The following CDK14 variants were observed in gnomAD, a reference collection of about 807,000 sequenced individuals.
CDK14 encodes cyclin dependent kinase 14.
A neutral mutation model predicts 60.7 loss-of-function variants in CDK14; 34 were observed. The observed-to-expected ratio is 0.56, with a 90% CI of 0.43 to 0.75. The LOEUF (loss-of-function observed/expected upper bound fraction) is 0.75. CDK14 is among the 30% of genes least tolerant of loss of function. The pLI is 0.00. For synonymous variants in CDK14, 197 were observed against 203.7 expected (o/e 0.97, Z 0.28); for missense variants, 482 against 564.1 (o/e 0.85, Z 1.47).
chr7:90,895,726 A>AT (rs1432128379), intron 6 of CDK14, among the ~76,000 whole-genome samples: 2 of 80,796 alleles, frequency 2.5e-5, no homozygotes, highest in East Asian at 1.6e-3. Flanking sequence ...GCACTTGGCT[A>AT]ATTTTTTTTT....
At chr7:90,748,168 A>G (rs1438097367) in intron 4 of CDK14, among the ~76,000 whole-genome samples, 1 of 152,142 alleles carries the variant, frequency 6.6e-6, no homozygotes, top group East Asian at 1.9e-4. Context: ...GGTCTTTTTA[A>G]GTTAAGCTTT....
intron 4 of CDK14, among the ~76,000 whole-genome samples, chr7:90,774,692 A>G (rs758148643): frequency 5.1e-4 from 77 of 152,178 alleles, no homozygotes; most frequent in Non-Finnish European, 9.3e-4. Context: ...TTTATTCTCC[A>G]AGGGCCTTTG....
intron 5 of CDK14, among the ~76,000 whole-genome samples, chr7:90,839,760 T>A (rs1277822888): frequency 6.6e-6 from 1 of 152,186 alleles, no homozygotes; most frequent in Non-Finnish European, 1.5e-5. Context: ...TTACAGATAG[T>A]AGGGTTTTAT....
At chr7:90,601,825 T>C (rs1389002804) in intron 1 of CDK14, among the ~76,000 whole-genome samples, 3 of 151,562 alleles carry the variant, frequency 2.0e-5, no homozygotes, top group Non-Finnish European at 4.4e-5. Context: ...GCAATCTTGC[T>C]CACTGCAACC....
At chr7:90,899,446 T>G in intron 7 of CDK14, 93 bp downstream of exon 7, 1 of 907,904 alleles carries the variant, frequency 1.1e-6, no homozygotes, top group Non-Finnish European at 1.6e-6. Flanking sequence ...ATATTTAAAT[T>G]TTTTAAATTT....
intron 2 of CDK14, among the ~76,000 whole-genome samples, chr7:90,623,138 G>A (rs922610652): frequency 6.6e-6 from 1 of 150,874 alleles, no homozygotes; most frequent in Non-Finnish European, 1.5e-5. Context: ...TTTGTCTTCC[G>A]TAATCTTTTT....
chr7:90,611,869 G>C (rs1799545500), intron 2 of CDK14, among the ~76,000 whole-genome samples: 1 of 133,850 alleles, frequency 7.5e-6, no homozygotes, highest in Non-Finnish European at 1.5e-5. Flanking sequence ...GTCTCACTCT[G>C]TCACCCAGGC....
At chr7:90,684,995 T>A (rs1008939388) in intron 2 of CDK14, among the ~76,000 whole-genome samples, 2 of 151,868 alleles carry the variant, frequency 1.3e-5, no homozygotes, top group Non-Finnish European at 1.5e-5. Flanking sequence ...TAGATTTTTT[T>A]TTTTTCATTT....
At chr7:91,045,783 GA>G (rs545336958) in intron 10 of CDK14, 113 bp from the exon 11 acceptor site, 737 of 633,714 alleles carry the variant, frequency 1.2e-3, no homozygotes, top group African/African-American at 5.6e-3. Context: ...TACGATAATG[GA>G]AAAAAAAATA....
chr7:90,779,311 G>T (rs546280780), intron 4 of CDK14, among the ~76,000 whole-genome samples: 1 of 152,210 alleles, frequency 6.6e-6, no homozygotes, highest in Admixed American at 6.5e-5. Flanking sequence ...TGAAGTGCGT[G>T]GTACAATCAT....
At chr7:91,129,439 ACT>A (rs1800054590) in intron 14 of CDK14, among the ~76,000 whole-genome samples, 2 of 152,208 alleles carry the variant, frequency 1.3e-5, no homozygotes, top group South Asian at 4.1e-4. Context: ...TTCTTAATAT[ACT>A]CTGTGACTAA....
intron 8 of CDK14, among the ~76,000 whole-genome samples, chr7:90,938,772 A>T (rs181530565): frequency 1.3e-5 from 2 of 152,230 alleles, no homozygotes; most frequent in Non-Finnish European, 2.9e-5. Context: ...TATAAAGGAT[A>T]TCTTTTAAAA....
chr7:90,828,712 A>C (rs1476192556), intron 5 of CDK14, among the ~76,000 whole-genome samples: 1 of 152,206 alleles, frequency 6.6e-6, no homozygotes. Flanking sequence ...CAGAACTGTA[A>C]CCATGAATCA....
chr7:91,069,804 T>A (rs1405768937), intron 11 of CDK14, among the ~76,000 whole-genome samples: 1 of 152,296 alleles, frequency 6.6e-6, no homozygotes, highest in East Asian at 1.9e-4. Flanking sequence ...ATTTTTTGTT[T>A]GTTGTTTGTT....
At chr7:91,111,114 A>T (rs181959702) in intron 12 of CDK14, among the ~76,000 whole-genome samples, 92 of 152,290 alleles carry the variant, frequency 6.0e-4, no homozygotes, top group Admixed American at 1.6e-3. Flanking sequence ...GCAGCCACAC[A>T]TTGAACCCAT....
chr7:91,106,832 G>A (rs1031582585), intron 12 of CDK14, among the ~76,000 whole-genome samples: 1 of 152,200 alleles, frequency 6.6e-6, no homozygotes, highest in Admixed American at 6.5e-5. Flanking sequence ...ACTGCTAGCT[G>A]CAGGTTGGGC....
At position 90,601,747 on chromosome 7, in the gene CDK14, T is replaced by C. The variant is rs1008245227; in HGVS notation, c.92-2471T>C. On this transcript the variant is annotated intron_variant, in intron 1 of 14. Transcript: ENST00000380050. Reference sequence around the variant, plus strand: ...TCCATATTTGCAGTTCCCTAAGGGATAGTATCTTTTTTTTTGGCGGCAGAG... The same window carrying C: ...TCCATATTTGCAGTTCCCTAAGGGACAGTATCTTTTTTTTTGGCGGCAGAG... Among the ~76,000 whole-genome samples the C allele has an allele frequency of 3.3e-5, 5 of 152,036 alleles. No homozygotes were observed. The East Asian group carries it at 9.7e-4, about 29-fold the overall frequency.
At chr7:90,863,676 G>GTGTC (rs1357816410) in intron 6 of CDK14, among the ~76,000 whole-genome samples, 1 of 151,044 alleles carries the variant, frequency 6.6e-6, no homozygotes, top group Non-Finnish European at 1.5e-5. Context: ...AGATATGTGT[G>GTGTC]TGTGTGTGTG....
At chr7:91,130,684 C>T (rs989433331) in intron 14 of CDK14, among the ~76,000 whole-genome samples, 3 of 152,124 alleles carry the variant, frequency 2.0e-5, no homozygotes, top group Admixed American at 6.6e-5. Context: ...TGTGTTCACA[C>T]AGGTATCATC....
Sources: gnomAD v4.1 joint callset for allele counts (sites outside exome capture counted in the v4.1 genomes callset) on GRCh38, gnomAD v4.1.1 for gene constraint, MANE v1.5 for transcripts, NCBI Gene and HGNC (gene_info 2026-07-23, HGNC 2026-07-21) for gene names.